Variants in ARAP2 observed in about 807,000 individuals in gnomAD.
ARAP2 encodes the protein ArfGAP with RhoGAP domain, ankyrin repeat and PH domain 2, also known as arf-GAP with Rho-GAP domain, ANK repeat and PH domain-containing protein 2.
A neutral mutation model predicts 194.5 loss-of-function variants in ARAP2; 148 were observed. The ratio of observed to expected loss-of-function variants is 0.76; its 90% CI spans 0.67 to 0.87. The LOEUF (loss-of-function observed/expected upper bound fraction) is 0.87. ARAP2 is among the 40% of genes least tolerant of loss of function. ARAP2 has a pLI of 0.00. For synonymous variants in ARAP2, 695 were observed against 683.5 expected, an observed-to-expected ratio of 1.02 and a Z score of -0.26; for missense variants, 2,128 against 1,989.7, an observed-to-expected ratio of 1.07 and a Z score of -1.32.
intron 6 of ARAP2, among the ~76,000 whole-genome samples, chr4:36,018,774 T>C (rs138450310): frequency 6.6e-6 from 1 of 152,346 alleles, no homozygotes; most frequent in Admixed American, 6.5e-5. Context: ...TAAGTCCTGG[T>C]CATTCACATA....
At position 36,177,833 on chromosome 4, in the gene ARAP2, G is replaced by T; in HGVS notation, c.1851C>A (p.Asn617Lys). Residue 617 changes from asparagine to lysine, a missense_variant, in exon 9 of 33, where the codon AAC becomes AAA. Physicochemically the swap from Asn to Lys is moderately conservative, Grantham distance 94. Transcript: ENST00000303965. The part of the protein sequence containing the change: ...LSGNSVWLCK[N>K]EQDFKSGLGI... ...TGACTATAACAGAGCTCACCTGTTC[G>T]TTTTTGCAAAGCCACACACTGTTTC... 3 of 1,600,198 alleles carry T rather than the reference G, an allele frequency of 1.9e-6. No homozygotes were observed. The highest frequency in any genetic ancestry group is 2.6e-6 in the Non-Finnish European group (3 of 1,174,884).
Position 36,178,003 on chromosome 4 carries a change from C to A in ARAP2, c.1681G>T (p.Glu561Ter). 1 of 1,586,048 alleles carries A rather than the reference C, an allele frequency of 6.3e-7. No homozygotes were observed. Among genetic ancestry groups the A allele is most frequent in the African/African-American group, 1.4e-5 (1 of 73,552 alleles). The change falls in exon 9 of 33, where the codon GAG (glutamate) becomes TAG (stop). Residue 561 changes from glutamate (E) to a stop codon, truncating the protein, a stop_gained and splice_region_variant. Transcript: ENST00000303965. LOFTEE classifies it high-confidence loss of function. ...AGTATGCTGATCCAGTCATTTCTCT[C>A]CTCTGAAAATGAAGACAGGAGAAAA... ...TFVFRVEKEE[E>*]RNDWISILLN...
chr4:36,059,305 G>A (rs1197774563), intron 1 of ARAP2, among the ~76,000 whole-genome samples: 1 of 152,018 alleles, frequency 6.6e-6, no homozygotes, highest in Non-Finnish European at 1.5e-5. Flanking sequence ...CTTCCACATA[G>A]TAGCATGCAA....
chr4:36,099,080 G>A (rs1577874298), intron 27 of ARAP2, among the ~76,000 whole-genome samples: 1 of 150,920 alleles, frequency 6.6e-6, no homozygotes, highest in East Asian at 2.0e-4. Context: ...GCCCTGGTGT[G>A]TGTTGTTCCC....
chr4:36,018,513 T>C (rs888645322), intron 6 of ARAP2, among the ~76,000 whole-genome samples: 1 of 150,102 alleles, frequency 6.7e-6, no homozygotes, highest in Non-Finnish European at 1.5e-5. Flanking sequence ...CTAAAAATCA[T>C]GAAGTTAATA....
At chr4:36,098,717 TC>T (rs1316938297) in intron 27 of ARAP2, among the ~76,000 whole-genome samples, 1 of 152,048 alleles carries the variant, frequency 6.6e-6, no homozygotes, top group African/African-American at 2.4e-5. Context: ...AATCCTGTTT[TC>T]TTTGATTCTG....
chr4:36,062,037 T>C (rs1446181249), downstream of ARAP2, among the ~76,000 whole-genome samples: 5 of 152,242 alleles, frequency 3.3e-5, no homozygotes, highest in Admixed American at 6.5e-5. Context: ...TTATTTATTC[T>C]GGTTATTAAT....
intron 19 of ARAP2, among the ~76,000 whole-genome samples, chr4:36,137,357 A>G (rs943210589): frequency 4.0e-5 from 6 of 151,898 alleles, no homozygotes; most frequent in Non-Finnish European, 8.8e-5. Context: ...CCAGAGATAT[A>G]TATTATAAAC....
chr4:36,033,729 A>G (rs995232958), intron 5 of ARAP2, among the ~76,000 whole-genome samples: 1 of 151,964 alleles, frequency 6.6e-6, no homozygotes, highest in African/African-American at 2.4e-5. Flanking sequence ...GCCCATTCCG[A>G]CATCTAGAAT....
chr4:36,198,847 G>A (rs1560647489), intron 6 of ARAP2, among the ~76,000 whole-genome samples: 1 of 152,232 alleles, frequency 6.6e-6, no homozygotes, highest in Non-Finnish European at 1.5e-5. Flanking sequence ...TTGGGCAGAG[G>A]CTGCTGCAAC....
intron 27 of ARAP2, among the ~76,000 whole-genome samples, chr4:36,095,884 A>AACAAG (rs1396724815): frequency 6.6e-6 from 1 of 152,066 alleles, no homozygotes; most frequent in African/African-American, 2.4e-5. Flanking sequence ...TTTCCTGTAA[A>AACAAG]ACAAGAGTAA....
At chr4:36,188,786 G>C (rs945513337) in intron 7 of ARAP2, among the ~76,000 whole-genome samples, 7 of 152,166 alleles carry the variant, frequency 4.6e-5, no homozygotes, top group African/African-American at 1.7e-4. Context: ...ATTCCATGCA[G>C]GGAGCAAGTA....
intron 6 of ARAP2, among the ~76,000 whole-genome samples, chr4:36,017,661 C>T (rs755993834): frequency 1.4e-5 from 2 of 145,420 alleles, no homozygotes; most frequent in Non-Finnish European, 3.0e-5. Flanking sequence ...TTTCCTATAC[C>T]CCTGGGACAG....
Position 36,229,132 on chromosome 4 carries a change from G to A in ARAP2, c.355C>T (p.Gln119Ter). 1.2e-6 allele frequency: 2 copies of A among 1,614,068 alleles called. No individual in the cohort carries two copies. The highest frequency in any genetic ancestry group is 1.7e-6 in the Non-Finnish European group (2 of 1,180,004). The change falls in exon 2 of 33, where the codon CAG becomes TAG. Residue 119 changes from glutamine to a stop codon, truncating the protein, a stop_gained. Transcript: ENST00000303965. LOFTEE classifies it high-confidence loss of function. ...AGATTTTTTCTAACAGTCTCCAACT[G>A]CGGTGGGCTAGATGTCTGAACACTA... ...SGSVQTSSPP[Q>*]LETVRKNLED...
At chr4:36,190,379 G>T (rs922451397) in intron 7 of ARAP2, among the ~76,000 whole-genome samples, 11 of 152,098 alleles carry the variant, frequency 7.2e-5, no homozygotes, top group African/African-American at 2.7e-4. Context: ...TAGGCTTCAG[G>T]TCATTTATCT....
intron 8 of ARAP2, among the ~76,000 whole-genome samples, chr4:36,186,045 T>G (rs1740487538): frequency 6.6e-6 from 1 of 152,080 alleles, no homozygotes; most frequent in Non-Finnish European, 1.5e-5. Flanking sequence ...AATGAAGACT[T>G]AGCAAAGTGT....
At chr4:36,176,406 T>C (rs1167302281) in intron 9 of ARAP2, among the ~76,000 whole-genome samples, 1 of 152,148 alleles carries the variant, frequency 6.6e-6, no homozygotes, top group Non-Finnish European at 1.5e-5. Flanking sequence ...TTAATAAAAC[T>C]TTTAAAATAT....
chr4:36,212,458 G>C lies in ARAP2; in HGVS notation c.1071C>G (p.Thr357=). ...CTTCCCCTTTGAGTGCTTCTCCCTG[G>C]GTCAAAAATTCATTCTTTATAGATC... is the stretch of plus-strand genomic sequence containing the variant. ...KKRSIKNEFL[T]QGEALKGEAA... is the part of the protein sequence containing the mutation. The change falls in exon 5 of 33, where the codon ACC becomes ACG. Residue 357 remains threonine (T), a synonymous_variant. Coordinates refer to ENST00000303965, the MANE Select transcript of ARAP2 (RefSeq NM_015230.4). 4 of 1,611,260 alleles carry C rather than the reference G, an allele frequency of 2.5e-6. No homozygotes were observed. The highest frequency in any genetic ancestry group is 1.7e-4 in the Middle Eastern group (1 of 6,042).
chr4:36,017,150 T>C (rs566985797), intron 6 of ARAP2, among the ~76,000 whole-genome samples: 1 of 151,892 alleles, frequency 6.6e-6, no homozygotes, highest in East Asian at 1.9e-4. Context: ...GAAACTCATA[T>C]TCAAATATAT....
Sources: allele counts gnomAD v4.1 joint callset (sites outside exome capture counted in the v4.1 genomes callset), GRCh38; gene constraint gnomAD v4.1.1; transcripts MANE v1.5; gene names NCBI Gene and HGNC (gene_info 2026-07-23, HGNC 2026-07-21).